Variants in PLEKHA5 observed in about 807,000 individuals in gnomAD.
PLEKHA5 encodes the protein pleckstrin homology domain-containing family A member 5.
In PLEKHA5, 55 loss-of-function variants were observed where a neutral mutation model predicts 181.9. The observed-to-expected ratio is 0.30, with a 90% CI of 0.24 to 0.38. The LOEUF is 0.38. PLEKHA5 is among the 10% of genes least tolerant of loss of function. PLEKHA5 has a pLI of 1.00. For missense variants in PLEKHA5, 1,432 were observed against 1,549.5 expected, an observed-to-expected ratio of 0.92 and a Z score of 1.27; for synonymous variants, 535 against 529.4, an observed-to-expected ratio of 1.01 and a Z score of -0.15.
At chr12:19,160,132 T>C (rs1298467937) in intron 3 of PLEKHA5, among the ~76,000 whole-genome samples, 1 of 152,118 alleles carries the variant, frequency 6.6e-6, no homozygotes, top group Admixed American at 6.5e-5. Flanking sequence ...TAGTATGTAT[T>C]AAGTAAATAA....
chr12:19,224,894 AGGAGGCTGGAGTG>A (rs1485563693), intron 3 of PLEKHA5, among the ~76,000 whole-genome samples: 1 of 152,146 alleles, frequency 6.6e-6, no homozygotes, highest in East Asian at 1.9e-4. Context: ...CTCAGCTGAC[AGGAGGCTGGAGTG>A]GGAGGATTAC....
Position 19,291,708 on chromosome 12 carries a change from T to C in PLEKHA5, c.2037+11T>C, listed in dbSNP as rs2078495657. ...TATTTGGATCATCAGGTGGGATTCA[T>C]AGAGATTTTCTTACTTTTAATACTT... On this transcript the variant is annotated intron_variant, in intron 15 of 31. Coordinates refer to ENST00000429027, the MANE Select transcript of PLEKHA5 (RefSeq NM_001256470.2). The C allele has an allele frequency of 6.9e-7, 1 of 1,451,038 alleles. No homozygotes were observed. The highest frequency in any genetic ancestry group is 9.3e-7 in the Non-Finnish European group (1 of 1,075,390). 89.9% of individuals were successfully genotyped at this position (1,451,038 alleles called of 1,614,324 possible). A position where few individuals can be genotyped will look rare whatever the true frequency, so the allele number is the denominator to read the frequency against.
intron 3 of PLEKHA5, among the ~76,000 whole-genome samples, chr12:19,145,478 A>G (rs1591803108): frequency 6.6e-6 from 1 of 152,164 alleles, no homozygotes; most frequent in South Asian, 2.1e-4. Context: ...CTTTGCATGT[A>G]CATACTTATA....
intron 8 of PLEKHA5, among the ~76,000 whole-genome samples, chr12:19,267,697 C>T (rs1431849302): frequency 1.3e-5 from 2 of 150,302 alleles, no homozygotes; most frequent in Non-Finnish European, 3.0e-5. Flanking sequence ...GGCACGGTGG[C>T]TCATGCCTGT....
chr12:19,196,574 G>T (rs980577475), intron 3 of PLEKHA5, among the ~76,000 whole-genome samples: 4 of 152,156 alleles, frequency 2.6e-5, no homozygotes, highest in Non-Finnish European at 5.9e-5. Flanking sequence ...AGTAGAAAAA[G>T]CATAAGCTCC....
intron 15 of PLEKHA5, 175 bp from the exon 16 acceptor site, chr12:19,314,639 A>G: frequency 1.6e-6 from 1 of 614,812 alleles, no homozygotes; most frequent in Admixed American, 2.3e-5. Flanking sequence ...CACAGCGTTT[A>G]ATACTTGTTT....
chr12:19,359,345 G>T, intron 27 of PLEKHA5, 67 bp from the exon 28 acceptor site: 1 of 1,350,022 alleles, frequency 7.4e-7, no homozygotes, highest in Middle Eastern at 1.9e-4. Flanking sequence ...GAATTAACAG[G>T]CACTATTTAT....
At position 19,347,035 on chromosome 12, in the gene PLEKHA5, C is replaced by T. The variant is rs1386755365; in HGVS notation, c.2751C>T (p.Ser917=). ...CACCTCGTCCTCCACTTCCTCGGTCCTATGACTTTACAGAGCAGCCTCCCA... is the reference window on the plus strand; with the variant it reads ...CACCTCGTCCTCCACTTCCTCGGTCTTATGACTTTACAGAGCAGCCTCCCA... The part of the protein sequence containing the change: ...VVPPRPPLPR[S]YDFTEQPPII... The change falls in exon 24 of 32, where the codon TCC becomes TCT. Residue 917 remains serine (S), a synonymous_variant. Transcript: ENST00000429027. 6.4e-7 allele frequency: 1 copy of T among 1,551,248 alleles called. No homozygotes were observed. Among genetic ancestry groups the T allele is most frequent in the Non-Finnish European group, 8.7e-7 (1 of 1,146,702 alleles).
chr12:19,364,554 C>G (rs1251660647), intron 29 of PLEKHA5, among the ~76,000 whole-genome samples: 2 of 151,964 alleles, frequency 1.3e-5, no homozygotes, highest in Non-Finnish European at 2.9e-5. Context: ...AGCCCTAATG[C>G]CATAATGGAT....
intron 26 of PLEKHA5, among the ~76,000 whole-genome samples, chr12:19,357,525 C>T (rs372391691): frequency 1.4e-3 from 214 of 151,926 alleles, no homozygotes; most frequent in Middle Eastern, 3.5e-3. Flanking sequence ...GGATTATAGG[C>T]GTGAGCCACT....
chr12:19,294,226 C>T (rs1159961755), intron 15 of PLEKHA5, among the ~76,000 whole-genome samples: 2 of 152,142 alleles, frequency 1.3e-5, no homozygotes, highest in Admixed American at 6.5e-5. Context: ...AAGAAAATCT[C>T]TCCTTAGATA....
chr12:19,167,956 T>C (rs1358595695), intron 3 of PLEKHA5, among the ~76,000 whole-genome samples: 6 of 152,236 alleles, frequency 3.9e-5, no homozygotes, highest in African/African-American at 1.2e-4. Flanking sequence ...TAGTTGATAA[T>C]TCCATATTTA....
chr12:19,272,468 G>A (rs1254440403), intron 10 of PLEKHA5, among the ~76,000 whole-genome samples: 1 of 152,132 alleles, frequency 6.6e-6, no homozygotes, highest in Non-Finnish European at 1.5e-5. Context: ...GCTGAGCACG[G>A]TGGCTCACGC....
At chr12:19,133,469 A>T (rs1412395550) in intron 3 of PLEKHA5, among the ~76,000 whole-genome samples, 4 of 152,014 alleles carry the variant, frequency 2.6e-5, no homozygotes. Flanking sequence ...TGAAATGCCA[A>T]ACTGGGTTAA....
Position 19,347,187 on chromosome 12 carries a change from G to A in PLEKHA5, c.2898+5G>A. ...CCAAGAAATGGATCTCACTGTGTAA[G>A]TGGCTGGAATAGCCACAGAATAATC... is the stretch of plus-strand genomic sequence containing the variant. On this transcript the variant is annotated splice_donor_5th_base_variant and intron_variant, in intron 24 of 31. Coordinates refer to ENST00000429027, the MANE Select transcript of PLEKHA5 (RefSeq NM_001256470.2). The A allele has an allele frequency of 2.0e-6, 3 of 1,510,970 alleles. No homozygotes were observed. The highest frequency in any genetic ancestry group is 2.4e-5 in the South Asian group (2 of 81,998). 93.6% of individuals were successfully genotyped at this position (1,510,970 alleles called of 1,614,324 possible).
At chr12:19,203,458 C>T (rs1386433629) in intron 3 of PLEKHA5, among the ~76,000 whole-genome samples, 3 of 152,056 alleles carry the variant, frequency 2.0e-5, no homozygotes, top group Non-Finnish European at 4.4e-5. Context: ...TCTCCAGTCT[C>T]CACACCACCA....
intron 29 of PLEKHA5, 51 bp downstream of exon 29, chr12:19,361,757 T>TA (rs768021482): frequency 1.3e-6 from 2 of 1,485,064 alleles, no homozygotes; most frequent in South Asian, 2.4e-5. Context: ...TGTAACTGCT[T>TA]AAAAATGGTG....
rs1195581302 is a variant in PLEKHA5 at position 19,275,029 on chromosome 12, G to A, written c.1313+46G>A. 3.8e-6 allele frequency: 5 copies of A among 1,300,180 alleles called. No homozygotes were observed. In the African/African-American group the frequency reaches 5.9e-5, roughly 15 times the overall value. The allele number at this position is 1,300,180 out of a possible 1,614,324, so 80.5% of individuals were successfully genotyped here. ...TATGAACCCAGGTTTCTTTGATGCT[G>A]TGTTGGTGGAGATTGGTTTCTGAGC... is the stretch of plus-strand genomic sequence containing the variant. On this transcript the variant is annotated intron_variant, in intron 11 of 31. Transcript: ENST00000429027.
At chr12:19,314,719 A>G (rs769602297) in intron 15 of PLEKHA5, 95 bp from the exon 16 acceptor site, 3 of 720,854 alleles carry the variant, frequency 4.2e-6, no homozygotes, top group Non-Finnish European at 7.6e-6. Context: ...TATTAGGAAG[A>G]TATTAAAGTA....
Sources: allele counts gnomAD v4.1 joint callset (sites outside exome capture counted in the v4.1 genomes callset), GRCh38; gene constraint gnomAD v4.1.1; transcripts MANE v1.5; gene names NCBI Gene and HGNC (gene_info 2026-07-23, HGNC 2026-07-21).